Variants in LRRC37A2 observed in about 807,000 individuals in gnomAD.
The protein encoded by LRRC37A2 is leucine rich repeat containing 37 member A2.
In LRRC37A2, 9 loss-of-function variants were observed where a neutral mutation model predicts 68.8. That is an observed-to-expected ratio of 0.13 (90% CI 0.08 to 0.23). The LOEUF is 0.23. LRRC37A2 is among the 10% of genes least tolerant of loss of function. LRRC37A2 has a pLI of 1.00. For synonymous variants in LRRC37A2, 63 were observed against 367.6 expected, an observed-to-expected ratio of 0.17 and a Z score of 9.48; for missense variants, 168 against 950.4, an observed-to-expected ratio of 0.18 and a Z score of 10.82.
the LRRC37A2 span, among the ~76,000 whole-genome samples, chr17:46,819,916 G>A: frequency 1.3e-5 from 2 of 152,204 alleles, no homozygotes; most frequent in Admixed American, 1.3e-4. The surrounding 1 kb of genome is among the most constrained non-coding windows in gnomAD (Gnocchi z 5.3). Context: ...CCCCTCCCAG[G>A]CCACCTGAGG....
the LRRC37A2 span, among the ~76,000 whole-genome samples, chr17:46,983,832 G>A: frequency 6.6e-6 from 1 of 152,206 alleles, no homozygotes; most frequent in Non-Finnish European, 1.5e-5. Flanking sequence ...TTGCCGTCAG[G>A]ATGTTGGCCA....
the LRRC37A2 span, among the ~76,000 whole-genome samples, chr17:46,897,802 G>T: frequency 6.6e-6 from 1 of 151,908 alleles, no homozygotes; most frequent in East Asian, 1.9e-4. Flanking sequence ...TTTCTTTATT[G>T]ACTCTGCTCC....
At chr17:46,771,313 C>A in the LRRC37A2 span, among the ~76,000 whole-genome samples, 1 of 152,134 alleles carries the variant, frequency 6.6e-6, no homozygotes, top group Admixed American at 6.5e-5. Context: ...CTCGGGGTCC[C>A]AGCCGCGCCG....
At chr17:46,897,214 G>A in the LRRC37A2 span, among the ~76,000 whole-genome samples, 1 of 152,226 alleles carries the variant, frequency 6.6e-6, no homozygotes, top group African/African-American at 2.4e-5. Flanking sequence ...CTACAGGCTT[G>A]AGACCTAGTT....
At chr17:46,881,597 T>G in the LRRC37A2 span, among the ~76,000 whole-genome samples, 4 of 152,298 alleles carry the variant, frequency 2.6e-5, no homozygotes, top group South Asian at 6.2e-4. Context: ...CCTGCCCTCA[T>G]CTGAGCCTTA....
At chr17:46,766,375 C>T in the LRRC37A2 span, among the ~76,000 whole-genome samples, 1 of 151,906 alleles carries the variant, frequency 6.6e-6, no homozygotes, top group Non-Finnish European at 1.5e-5. Flanking sequence ...GCACTTCACT[C>T]CAGCCTGGGC....
chr17:46,840,565 G>A, the LRRC37A2 span, among the ~76,000 whole-genome samples: 1 of 152,194 alleles, frequency 6.6e-6, no homozygotes, highest in Non-Finnish European at 1.5e-5. Flanking sequence ...GCTAGTTCTA[G>A]ATCCTTGAGG....
the LRRC37A2 span, among the ~76,000 whole-genome samples, chr17:46,870,576 G>A: frequency 6.6e-6 from 1 of 152,104 alleles, no homozygotes; most frequent in African/African-American, 2.4e-5. Context: ...TCGGAGATAT[G>A]CTCCATGATG....
At chr17:46,759,014 G>T in the LRRC37A2 span, among the ~76,000 whole-genome samples, 1 of 152,160 alleles carries the variant, frequency 6.6e-6, no homozygotes, top group Non-Finnish European at 1.5e-5. Context: ...ACGCCAGCCT[G>T]ACCAACGTGG....
chr17:46,724,646 T>C, the LRRC37A2 span, among the ~76,000 whole-genome samples: 1 of 152,232 alleles, frequency 6.6e-6, no homozygotes, highest in Non-Finnish European at 1.5e-5. Flanking sequence ...TGCTTTGTTA[T>C]AATTACATGT....
the LRRC37A2 span, among the ~76,000 whole-genome samples, chr17:46,965,492 C>T: frequency 6.6e-6 from 1 of 152,202 alleles, no homozygotes; most frequent in East Asian, 1.9e-4. Flanking sequence ...TGTGTTGGAC[C>T]TTGCTTGTCT....
the LRRC37A2 span, among the ~76,000 whole-genome samples, chr17:46,981,463 C>T: frequency 2.6e-5 from 4 of 152,170 alleles, no homozygotes; most frequent in Admixed American, 6.5e-5. Flanking sequence ...CATGTGATGT[C>T]TTCTGCCATG....
At chr17:46,765,012 T>G in the LRRC37A2 span, among the ~76,000 whole-genome samples, 1 of 152,266 alleles carries the variant, frequency 6.6e-6, no homozygotes, top group Admixed American at 6.5e-5. Flanking sequence ...ACTGTGTTTT[T>G]GTACCGCACC....
At chr17:46,754,236 A>G in the LRRC37A2 span, among the ~76,000 whole-genome samples, 1 of 144,026 alleles carries the variant, frequency 6.9e-6, no homozygotes, top group Admixed American at 7.1e-5. Context: ...TTTGTTAGCT[A>G]TTCACACTTT....
At chr17:46,896,452 A>AAAAAG in the LRRC37A2 span, among the ~76,000 whole-genome samples, 1 of 65,834 alleles carries the variant, frequency 1.5e-5, no homozygotes, top group Non-Finnish European at 3.2e-5. Context: ...GAAAGAAAGA[A>AAAAAG]AAAGAAAGAA....
chr17:46,852,209 G>A, the LRRC37A2 span, among the ~76,000 whole-genome samples: 2 of 152,258 alleles, frequency 1.3e-5, no homozygotes, highest in Non-Finnish European at 2.9e-5. Flanking sequence ...GGTGGGACGG[G>A]CTGTTCCCGG....
At chr17:46,394,715 A>G in the LRRC37A2 span, among the ~76,000 whole-genome samples, 2 of 51,358 alleles carry the variant, frequency 3.9e-5, no homozygotes, top group South Asian at 1.5e-3. Context: ...AAAATGATGC[A>G]GCTACTGCAC....
the LRRC37A2 span, chr17:46,916,700 C>T: frequency 6.6e-6 from 1 of 152,190 alleles, no homozygotes; most frequent in African/African-American, 2.4e-5. Context: ...GCATTATCAA[C>T]ACAACCAGCT....
chr17:46,810,585 G>A, the LRRC37A2 span, among the ~76,000 whole-genome samples: 1 of 152,176 alleles, frequency 6.6e-6, no homozygotes, highest in Non-Finnish European at 1.5e-5. Flanking sequence ...TTGCAGATGA[G>A]AAAACTGAGG....
Sources: gnomAD v4.1 joint callset for allele counts (sites outside exome capture counted in the v4.1 genomes callset) on GRCh38, gnomAD v4.1.1 for gene constraint, Gnocchi (gnomAD v3.1) non-coding constraint, MANE v1.5 for transcripts, NCBI Gene and HGNC (gene_info 2026-07-23, HGNC 2026-07-21) for gene names.